Variants in CUL1 observed in about 807,000 individuals in gnomAD.
CUL1 encodes cullin-1.
A neutral mutation model predicts 118.0 loss-of-function variants in CUL1; 24 were observed. The observed-to-expected ratio is 0.20, with a 90% confidence interval of 0.15 to 0.29. CUL1 has a LOEUF of 0.29. Among genes scored for constraint, CUL1 ranks in the 10% least tolerant of loss-of-function variants. CUL1 has a pLI of 1.00. For synonymous variants in CUL1, 332 were observed against 340.4 expected, an observed-to-expected ratio of 0.98 and a Z score of 0.27; for missense variants, 361 against 933.8, an observed-to-expected ratio of 0.39 and a Z score of 7.99.
intron 9 of CUL1, among the ~76,000 whole-genome samples, chr7:148,773,607 C>T (rs1026952491): frequency 4.3e-4 from 65 of 152,138 alleles, no homozygotes; most frequent in African/African-American, 1.5e-3. Context: ...TGGTGAAGGC[C>T]GTCTGCTGCA....
rs371508111 is a variant in CUL1, at chr7:148,787,156, T to G, written c.1479+36T>G. On this transcript the variant is annotated intron_variant, in intron 13 of 21. Coordinates refer to ENST00000325222, the MANE Select transcript of CUL1 (RefSeq NM_003592.3). This position sits in a 1 kb window ranked among gnomAD's most constrained non-coding sequence, Gnocchi z 5.5. ...TCTTTTCCTGAAAAATCCCAGCTTC[T>G]GAGTCATTATTAAAACAGCTCTATG... 4.4e-6 allele frequency: 7 copies of G among 1,608,912 alleles called. No homozygotes were observed. Among genetic ancestry groups the G allele is most frequent in the Middle Eastern group, 1.7e-4 (1 of 5,954 alleles).
chr7:148,799,537 T>A, intron 21 of CUL1, 149 bp downstream of exon 21: 1 of 613,312 alleles, frequency 1.6e-6, no homozygotes, highest in Non-Finnish European at 2.9e-6. Flanking sequence ...GGCTTCAGTT[T>A]AACTGTTGAA....
At chr7:148,718,594 A>G (rs117673726) in intron 1 of CUL1, among the ~76,000 whole-genome samples, 2,355 of 152,082 alleles carry the variant, frequency 0.015, 36 homozygotes, top group Admixed American at 0.025. Flanking sequence ...ACTTGGCATT[A>G]TTGTGTGAGT....
rs78256897 is a variant in CUL1 at position 148,706,305 on chromosome 7, G to C, written c.-162+7276G>C. Among the ~76,000 whole-genome samples the C allele has an allele frequency of 1.9e-3, 283 of 152,280 alleles. 1 individual carries two copies. The highest frequency in any genetic ancestry group is 6.4e-3 in the African/African-American group (264 of 41,556). On this transcript the variant is annotated intron_variant, in intron 1 of 21. Transcript: ENST00000325222. ...CTTGGTATGAGCCAAAGACTGTGCC[G>C]AGCTTGCTTTGTGACTCCCTAGCTG...
At chr7:148,772,260 C>G (rs911735178) in intron 9 of CUL1, among the ~76,000 whole-genome samples, 1 of 151,992 alleles carries the variant, frequency 6.6e-6, no homozygotes, top group Admixed American at 6.5e-5. Flanking sequence ...ACTAAAAATA[C>G]AAAAATTAGC....
At chr7:148,785,890 A>C (rs2129462773) in intron 11 of CUL1, among the ~76,000 whole-genome samples, 1 of 152,194 alleles carries the variant, frequency 6.6e-6, no homozygotes, top group East Asian at 1.9e-4. Flanking sequence ...GGTTTTCTGA[A>C]CCAACTTTTC....
intron 9 of CUL1, among the ~76,000 whole-genome samples, chr7:148,773,901 C>T (rs146024848): frequency 1.4e-3 from 211 of 152,240 alleles, no homozygotes; most frequent in African/African-American, 4.7e-3. Context: ...TCCGTGTGAA[C>T]GTCCCTCTAT....
In CUL1 at chr7:148,730,095, A is replaced by G. The variant is rs1254236306; in HGVS notation, c.-28A>G. The G allele has an allele frequency of 1.9e-6, 3 of 1,605,926 alleles. No homozygotes were observed. The highest frequency in any genetic ancestry group is 2.7e-5 in the African/African-American group (2 of 74,670). ...CTGTACTTTGAATAAGGATTGCTGC[A>G]CTGGACGACTTTAGAACATCCCTCA... On this transcript the variant is annotated 5_prime_UTR_variant, in exon 2 of 22. Transcript: ENST00000325222.
At chr7:148,723,662 CA>C (rs3059215) in intron 1 of CUL1, among the ~76,000 whole-genome samples, 18,189 of 142,018 alleles carry the variant, frequency 0.13, 3,477 homozygotes, top group African/African-American at 0.42. Context: ...TATGACTCAC[CA>C]AAAAAAAAAA....
At chr7:148,767,328 AT>A (rs199922647) in intron 8 of CUL1, among the ~76,000 whole-genome samples, 66 of 146,754 alleles carry the variant, frequency 4.5e-4, no homozygotes, top group South Asian at 3.3e-3. Flanking sequence ...GTTTCTGATA[AT>A]TTTTTTTTTT....
intron 1 of CUL1, among the ~76,000 whole-genome samples, chr7:148,711,963 G>A (rs1006048383): frequency 2.6e-5 from 4 of 152,234 alleles, no homozygotes; most frequent in Non-Finnish European, 5.9e-5. Context: ...CACTGGGAGA[G>A]GGAGAGACCT....
chr7:148,737,387 A>C (rs1487613350), intron 2 of CUL1, among the ~76,000 whole-genome samples: 1 of 151,944 alleles, frequency 6.6e-6, no homozygotes, highest in Non-Finnish European at 1.5e-5. Context: ...TTTGCTTTGT[A>C]TGGGATATTT....
At chr7:148,762,223 TAGAA>T (rs1253254961) in intron 7 of CUL1, among the ~76,000 whole-genome samples, 1 of 152,192 alleles carries the variant, frequency 6.6e-6, no homozygotes, top group Non-Finnish European at 1.5e-5. Context: ...TATGCTGAGA[TAGAA>T]AGTCAATTAA....
At chr7:148,713,687 A>C (rs929375232) in intron 1 of CUL1, among the ~76,000 whole-genome samples, 3 of 152,132 alleles carry the variant, frequency 2.0e-5, no homozygotes, top group African/African-American at 7.2e-5. Flanking sequence ...TGTGTATTTG[A>C]AGGAATGAAT....
intron 7 of CUL1, among the ~76,000 whole-genome samples, chr7:148,766,153 C>T (rs748990645): frequency 8.5e-5 from 13 of 152,090 alleles, no homozygotes; most frequent in East Asian, 5.8e-4. Context: ...TTTTGAGAAA[C>T]GGAGTCTTGC....
chr7:148,780,284 T>C (rs1465947810), intron 9 of CUL1, among the ~76,000 whole-genome samples: 1 of 152,210 alleles, frequency 6.6e-6, no homozygotes, highest in African/African-American at 2.4e-5. Context: ...GCAGAGACAC[T>C]GGCTTTGTAA....
chr7:148,774,918 T>C (rs1392985713), intron 9 of CUL1, among the ~76,000 whole-genome samples: 2 of 152,160 alleles, frequency 1.3e-5, no homozygotes, highest in African/African-American at 4.8e-5. Context: ...GGGGTGATGG[T>C]ATAATACTTA....
intron 2 of CUL1, among the ~76,000 whole-genome samples, chr7:148,752,571 C>G (rs925164672): frequency 2.1e-5 from 3 of 139,650 alleles, no homozygotes; most frequent in African/African-American, 7.3e-5. Context: ...CATAGAGATT[C>G]ATTTTTTTAA....
chr7:148,751,695 C>G (rs568240606), intron 2 of CUL1, among the ~76,000 whole-genome samples: 6 of 152,144 alleles, frequency 3.9e-5, no homozygotes, highest in African/African-American at 7.2e-5. Flanking sequence ...CAAGGTCCAC[C>G]ACCAAGAGAG....
Sources: allele counts gnomAD v4.1 joint callset (sites outside exome capture counted in the v4.1 genomes callset), GRCh38; gene constraint gnomAD v4.1.1; non-coding constraint Gnocchi (gnomAD v3.1); transcripts MANE v1.5; gene names NCBI Gene and HGNC (gene_info 2026-07-23, HGNC 2026-07-21).